Variants in HTR7 observed in about 807,000 individuals in gnomAD.
HTR7 encodes the protein 5-hydroxytryptamine receptor 7.
HTR7 carries 16 observed loss-of-function variants against 34.0 expected under a neutral mutation model. The observed-to-expected ratio is 0.47, with a 90% CI of 0.32 to 0.71. HTR7 has a LOEUF of 0.71. Ranked by LOEUF, HTR7 falls within the 30% of genes least tolerant of loss-of-function variation. The probability of loss-of-function intolerance (pLI) is 0.04; values close to 1 mark genes in which losing one functional copy is unlikely to be tolerated. For missense variants in HTR7, 504 were observed against 625.5 expected (o/e 0.81, Z 2.07); for synonymous variants, 265 against 260.2 (o/e 1.02, Z -0.18).
chr10:90,853,405 C>T (rs150199983), intron 1 of HTR7, among the ~76,000 whole-genome samples: 1 of 150,804 alleles, frequency 6.6e-6, no homozygotes, highest in East Asian at 1.9e-4. Flanking sequence ...CCCACCTCAG[C>T]TTCCCAAGTA....
intron 1 of HTR7, among the ~76,000 whole-genome samples, chr10:90,772,864 C>T (rs1372093862): frequency 2.6e-5 from 4 of 152,126 alleles, no homozygotes; most frequent in African/African-American, 7.2e-5. Flanking sequence ...CTTTACAACC[C>T]TCTAGATATT....
At chr10:90,799,550 C>T (rs1845593986) in intron 1 of HTR7, among the ~76,000 whole-genome samples, 1 of 152,166 alleles carries the variant, frequency 6.6e-6, no homozygotes, top group Non-Finnish European at 1.5e-5. Context: ...TGTGCTTCCA[C>T]ACTGATACTT....
chr10:90,776,337 T>G (rs1322186396), intron 1 of HTR7, among the ~76,000 whole-genome samples: 1 of 152,254 alleles, frequency 6.6e-6, no homozygotes, highest in Non-Finnish European at 1.5e-5. Flanking sequence ...TTCCTTCTTC[T>G]GCTGTCTCTA....
chr10:90,792,115 C>T (rs1845468374), intron 1 of HTR7, among the ~76,000 whole-genome samples: 1 of 152,100 alleles, frequency 6.6e-6, no homozygotes, highest in South Asian at 2.1e-4. Context: ...AAACTGTTCA[C>T]ACAAGTTCAT....
intron 1 of HTR7, among the ~76,000 whole-genome samples, chr10:90,812,558 A>C (rs1413524084): frequency 1.3e-5 from 2 of 152,134 alleles, no homozygotes; most frequent in African/African-American, 4.8e-5. Context: ...AACCATATCC[A>C]GGCCATCACC....
At chr10:90,806,458 G>C (rs1287580227) in intron 1 of HTR7, among the ~76,000 whole-genome samples, 1 of 152,068 alleles carries the variant, frequency 6.6e-6, no homozygotes, top group Non-Finnish European at 1.5e-5. Context: ...AATTAGCCGG[G>C]CGTGGTGGCG....
At chr10:90,830,992 T>A (rs1324374199) in intron 1 of HTR7, among the ~76,000 whole-genome samples, 1 of 152,224 alleles carries the variant, frequency 6.6e-6, no homozygotes, top group East Asian at 1.9e-4. Context: ...ACTTAGCAGT[T>A]GCTTCAAGCA....
intron 1 of HTR7, among the ~76,000 whole-genome samples, chr10:90,767,040 G>A (rs531914943): frequency 6.6e-5 from 10 of 152,306 alleles, no homozygotes; most frequent in East Asian, 3.9e-4. Context: ...CTGGTCTGGC[G>A]GGGCTACTAG....
chr10:90,750,725 C>T (rs1440991546), intron 1 of HTR7, among the ~76,000 whole-genome samples: 1 of 152,136 alleles, frequency 6.6e-6, no homozygotes, highest in African/African-American at 2.4e-5. Context: ...ACAATTTCTG[C>T]TAGAAATATC....
In HTR7 at chr10:90,787,304, A is replaced by G. The variant is rs111270438; in HGVS notation, c.540-37710T>C. Among the ~76,000 whole-genome samples, 1,075 of 152,246 alleles carry G rather than the reference A, an allele frequency of 7.1e-3. 8 individuals are homozygous for G. The highest frequency in any genetic ancestry group is 0.01 in the Non-Finnish European group (701 of 68,024). On this transcript the variant is annotated intron_variant, in intron 1 of 3. Transcript: ENST00000336152. The stretch of plus-strand genomic sequence containing the variant: ...GGAGTTCAAGACCATCCTGGGCAAT[A>G]TGGTGAAACCCCGTCTCTATTAAAA...
chr10:90,842,017 AAAC>A (rs139561779), intron 1 of HTR7, among the ~76,000 whole-genome samples: 4 of 151,866 alleles, frequency 2.6e-5, no homozygotes, highest in Non-Finnish European at 5.9e-5. Context: ...ACAAAAACAA[AAAC>A]AACAACAACA....
intron 1 of HTR7, among the ~76,000 whole-genome samples, chr10:90,834,331 T>G (rs1846222072): frequency 6.6e-6 from 1 of 151,460 alleles, no homozygotes; most frequent in South Asian, 2.1e-4. Flanking sequence ...AAGAACATGA[T>G]GGAGATGAAC....
At chr10:90,774,620 A>G (rs945630828) in intron 1 of HTR7, among the ~76,000 whole-genome samples, 1 of 152,202 alleles carries the variant, frequency 6.6e-6, no homozygotes, top group African/African-American at 2.4e-5. Flanking sequence ...ATTAAGTAGG[A>G]CAGATCTGAA....
chr10:90,772,289 T>G (rs1845128225), intron 1 of HTR7, among the ~76,000 whole-genome samples: 1 of 152,208 alleles, frequency 6.6e-6, no homozygotes, highest in African/African-American at 2.4e-5. Context: ...TCTTTTAAAA[T>G]GGAATCATTA....
intron 1 of HTR7, among the ~76,000 whole-genome samples, chr10:90,844,764 A>AAAAAAAAAAAAAAAAAAAAAAAAAAAC (rs1846387807): frequency 7.3e-6 from 1 of 136,754 alleles, no homozygotes. Flanking sequence ...AAAAAAAAAA[A>AAAAAAAAAAAAAAAAAAAAAAAAAAAC]GATCAGTCTG....
At chr10:90,787,494 A>G (rs1426410423) in intron 1 of HTR7, among the ~76,000 whole-genome samples, 1 of 152,130 alleles carries the variant, frequency 6.6e-6, no homozygotes, top group East Asian at 1.9e-4. Flanking sequence ...TCCATCTCAA[A>G]AAAAATAAAA....
chr10:90,751,738 G>T (rs779412684), intron 1 of HTR7, among the ~76,000 whole-genome samples: 1 of 152,136 alleles, frequency 6.6e-6, no homozygotes, highest in Non-Finnish European at 1.5e-5. Context: ...TAAAAAATTA[G>T]CATGCCTGGA....
At chr10:90,776,798 T>A (rs898107241) in intron 1 of HTR7, among the ~76,000 whole-genome samples, 3 of 152,336 alleles carry the variant, frequency 2.0e-5, no homozygotes, top group East Asian at 3.9e-4. Context: ...AAGTATGGTA[T>A]ACAGACTATA....
At chr10:90,753,628 G>C (rs1380154460) in intron 1 of HTR7, among the ~76,000 whole-genome samples, 1 of 152,076 alleles carries the variant, frequency 6.6e-6, no homozygotes, top group Non-Finnish European at 1.5e-5. Flanking sequence ...GTCTTAAGAA[G>C]ATAATTGTAC....
Sources: gnomAD v4.1 joint callset for allele counts (sites outside exome capture counted in the v4.1 genomes callset) on GRCh38, gnomAD v4.1.1 for gene constraint, MANE v1.5 for transcripts, NCBI Gene and HGNC (gene_info 2026-07-23, HGNC 2026-07-21) for gene names.